Variants in HDAC9 observed in about 807,000 individuals in gnomAD.
HDAC9 encodes the protein histone deacetylase 9, also known as MEF-2 interacting transcription repressor (MITR) protein.
HDAC9 carries 41 observed loss-of-function variants against 139.4 expected under a neutral mutation model. The observed-to-expected ratio is 0.29, with a 90% CI of 0.23 to 0.38. The LOEUF (loss-of-function observed/expected upper bound fraction) is 0.38, where lower values mean the gene tolerates loss of function less well. Among genes scored for constraint, HDAC9 ranks in the 10% least tolerant of loss-of-function variants. The probability of loss-of-function intolerance (pLI) is 1.00; values close to 1 mark genes in which losing one functional copy is unlikely to be tolerated. For synonymous variants in HDAC9, 517 were observed against 476.2 expected (o/e 1.09, Z -1.12); for missense variants, 1,147 against 1,297.0 (o/e 0.88, Z 1.78).
At chr7:18,582,943 G>A (rs976069769) in intron 2 of HDAC9, among the ~76,000 whole-genome samples, 2 of 152,080 alleles carry the variant, frequency 1.3e-5, no homozygotes, top group South Asian at 4.2e-4. Flanking sequence ...ATGTATACAC[G>A]TGGGTCATAT....
chr7:18,178,581 C>T (rs969230763), intron 2 of HDAC9, among the ~76,000 whole-genome samples: 1 of 152,128 alleles, frequency 6.6e-6, no homozygotes, highest in African/African-American at 2.4e-5. Flanking sequence ...GAACTTCTCC[C>T]TGTTTCAATG....
chr7:18,899,589 A>G (rs1046214424), intron 22 of HDAC9, among the ~76,000 whole-genome samples: 1 of 151,904 alleles, frequency 6.6e-6, no homozygotes, highest in Non-Finnish European at 1.5e-5. Context: ...TAAAATTAAT[A>G]GTATATTAAT....
At position 18,151,021 on chromosome 7, in the gene HDAC9, G is replaced by A. The variant is rs1018914329; in HGVS notation, c.-96-11208G>A. On this transcript the variant is annotated intron_variant, in intron 1 of 12. Coordinates refer to the HDAC9 transcript ENST00000417496. ...AGATGTTGGATTGAGCTATTTATAT[G>A]TGTTAATCTGTCTCAGTCTATTTTA... Among the ~76,000 whole-genome samples the A allele has an allele frequency of 2.4e-4, 37 of 152,142 alleles. 1 individual carries two copies. In the East Asian group the frequency reaches 6.6e-3, roughly 27 times the overall value.
intron 2 of HDAC9, among the ~76,000 whole-genome samples, chr7:18,513,351 A>G (rs1252205841): frequency 6.6e-6 from 1 of 152,230 alleles, no homozygotes; most frequent in Admixed American, 6.5e-5. Flanking sequence ...ATTCAGATCT[A>G]TGAGTACGAT....
intron 12 of HDAC9, among the ~76,000 whole-genome samples, chr7:18,671,584 C>A (rs1795680887): frequency 6.6e-6 from 1 of 151,922 alleles, no homozygotes; most frequent in African/African-American, 2.4e-5. Flanking sequence ...ATAGGCAATT[C>A]TCACTATATT....
At chr7:18,238,824 G>C (rs1403641487) in intron 2 of HDAC9, among the ~76,000 whole-genome samples, 2 of 152,182 alleles carry the variant, frequency 1.3e-5, no homozygotes, top group African/African-American at 2.4e-5. Context: ...AGCAGTGGGA[G>C]TTACATAATC....
chr7:18,782,299 T>C (rs1791311239), intron 16 of HDAC9, among the ~76,000 whole-genome samples: 1 of 152,108 alleles, frequency 6.6e-6, no homozygotes, highest in Non-Finnish European at 1.5e-5. Context: ...AATAGTATTA[T>C]ATTTAACTCT....
chr7:18,548,318 TATAATA>T (rs1366247459), intron 2 of HDAC9, among the ~76,000 whole-genome samples: 1 of 151,896 alleles, frequency 6.6e-6, no homozygotes, highest in Non-Finnish European at 1.5e-5. Context: ...CCCTAACAGA[TATAATA>T]ATAATGAAAA....
intron 21 of HDAC9, among the ~76,000 whole-genome samples, chr7:18,873,825 G>A (rs1000082443): frequency 6.6e-6 from 1 of 152,080 alleles, no homozygotes; most frequent in Non-Finnish European, 1.5e-5. Context: ...GTTGAGAAGG[G>A]AAGTGTTGAA....
chr7:18,249,041 C>G (rs1156574001), intron 2 of HDAC9, among the ~76,000 whole-genome samples: 1 of 152,134 alleles, frequency 6.6e-6, no homozygotes, highest in Non-Finnish European at 1.5e-5. Context: ...CAGCTGGAAT[C>G]TTAGGGATAC....
intron 16 of HDAC9, among the ~76,000 whole-genome samples, chr7:18,770,622 G>C (rs548224778): frequency 1.3e-5 from 2 of 152,118 alleles, no homozygotes; most frequent in African/African-American, 4.8e-5. Context: ...CGCTTCTGCG[G>C]CTTTTGAGTT....
At chr7:18,217,918 G>A (rs1433893240) in intron 2 of HDAC9, among the ~76,000 whole-genome samples, 4 of 152,174 alleles carry the variant, frequency 2.6e-5, no homozygotes, top group African/African-American at 4.8e-5. Flanking sequence ...TCCTAAAGTA[G>A]TAGTCAGGCT....
In HDAC9 at chr7:18,373,389, A is replaced by G. The variant is rs534400271; in HGVS notation, c.-42+82874A>G. Among the ~76,000 whole-genome samples, 95 of 152,288 alleles carry G rather than the reference A, an allele frequency of 6.2e-4. 1 individual carries two copies. The highest frequency in any genetic ancestry group is 2.3e-3 in the African/African-American group (95 of 41,566). On this transcript the variant is annotated intron_variant, in intron 1 of 3. Coordinates refer to the HDAC9 transcript ENST00000413509. ...CCTTAAAAAAAAGGATAGCTTAAGT[A>G]TCCTTCATTTATTCATCTGTAAAAC...
At chr7:18,729,668 G>C (rs989936487) in intron 13 of HDAC9, among the ~76,000 whole-genome samples, 3 of 135,414 alleles carry the variant, frequency 2.2e-5, no homozygotes, top group East Asian at 5.0e-4. Context: ...GGTCATTTCA[G>C]AGAGTTAGGT....
chr7:18,673,522 AAAT>A (rs1445492246), intron 12 of HDAC9, among the ~76,000 whole-genome samples: 2 of 152,208 alleles, frequency 1.3e-5, no homozygotes, highest in African/African-American at 2.4e-5. Flanking sequence ...TTACATGTTG[AAAT>A]AATATTTTAA....
At chr7:18,837,870 G>A (rs374569305) in intron 21 of HDAC9, among the ~76,000 whole-genome samples, 18 of 152,202 alleles carry the variant, frequency 1.2e-4, no homozygotes, top group African/African-American at 4.3e-4. Context: ...TGGGGTTGAC[G>A]ATTCTCAGAA....
rs1359185505 is a variant in HDAC9, at chr7:18,927,724, C to T, written c.2804-8085C>T. Among the ~76,000 whole-genome samples the T allele has an allele frequency of 3.9e-5, 6 of 152,106 alleles. No homozygotes were observed. In the South Asian group the frequency reaches 1.2e-3, roughly 31 times the overall value. On this transcript the variant is annotated intron_variant, in intron 22 of 25. Transcript: ENST00000686413. ...ATAAATGAGTAAATTGGTAGTGAGA[C>T]TTTTTAGCCATAGAAGAGTTACAAA...
At chr7:18,445,707 T>G (rs971343139) in intron 1 of HDAC9, among the ~76,000 whole-genome samples, 1 of 152,216 alleles carries the variant, frequency 6.6e-6, no homozygotes, top group Non-Finnish European at 1.5e-5. Context: ...TGTTTATAGA[T>G]AGCCATGAAA....
At chr7:18,271,556 T>C (rs1455149091) in intron 2 of HDAC9, among the ~76,000 whole-genome samples, 2 of 152,216 alleles carry the variant, frequency 1.3e-5, no homozygotes, top group African/African-American at 4.8e-5. Flanking sequence ...ATAGACTAAC[T>C]TTGAATCTTA....
Sources: gnomAD v4.1 joint callset for allele counts (sites outside exome capture counted in the v4.1 genomes callset) on GRCh38, gnomAD v4.1.1 for gene constraint, MANE v1.5 for transcripts, NCBI Gene and HGNC (gene_info 2026-07-23, HGNC 2026-07-21) for gene names.